Variants in SLC6A3 observed in about 807,000 individuals in gnomAD.
The protein encoded by SLC6A3 is sodium-dependent dopamine transporter.
Under a neutral mutation model 70.4 loss-of-function variants are expected in SLC6A3, and 19 were observed. The ratio of observed to expected loss-of-function variants is 0.27; its 90% CI spans 0.19 to 0.40. SLC6A3 has a LOEUF of 0.40. Ranked by LOEUF, SLC6A3 falls within the 10% of genes least tolerant of loss-of-function variation. The pLI is 1.00. For synonymous variants in SLC6A3, 368 were observed against 356.6 expected (o/e 1.03, Z -0.36); for missense variants, 613 against 838.5 (o/e 0.73, Z 3.32).
At position 1,442,658 on chromosome 5, in the gene SLC6A3, C is replaced by A. The variant is rs540425066; in HGVS notation, c.286+254G>T. Among the ~76,000 whole-genome samples the A allele has an allele frequency of 6.6e-6, 1 of 152,204 alleles. No individual in the cohort carries two copies. The highest frequency in any genetic ancestry group is 2.4e-5 in the African/African-American group (1 of 41,538). On this transcript the variant is annotated intron_variant, in intron 2 of 14. Transcript: ENST00000270349. This position sits in a 1 kb window ranked among gnomAD's most constrained non-coding sequence, Gnocchi z 5.0. ...CCAAGCTGCCCCGTCTGCCGCCCCCCACCCCCCAGCTTCTTCGCGGGCCTC... is the reference window on the plus strand; with the variant it reads ...CCAAGCTGCCCCGTCTGCCGCCCCCAACCCCCCAGCTTCTTCGCGGGCCTC...
Position 1,416,090 on chromosome 5 carries a change from G to T in SLC6A3, c.1031+8C>A. ...TGAGGCCCCTGCCTGGCCCTGCTAG[G>T]GGCTCACCTGTAGCAGTTGTTGGTG... On this transcript the variant is annotated splice_region_variant and intron_variant, in intron 7 of 14. Coordinates refer to ENST00000270349, the MANE Select transcript of SLC6A3 (RefSeq NM_001044.5). 4 of 1,607,608 alleles carry T rather than the reference G, an allele frequency of 2.5e-6. No homozygotes were observed. Among genetic ancestry groups the T allele is most frequent in the Non-Finnish European group, 2.6e-6 (3 of 1,174,134 alleles).
intron 6 of SLC6A3, among the ~76,000 whole-genome samples, chr5:1,419,323 TCATC>T (rs59372317): frequency 0.01 from 1,487 of 142,958 alleles, 11 homozygotes; most frequent in African/African-American, 0.017. Flanking sequence ...TACCTAGCAT[TCATC>T]CATCCATCCA....
chr5:1,437,766 G>A lies in SLC6A3; in HGVS notation c.418+3593C>T, dbSNP rs1756872749. Among the ~76,000 whole-genome samples the A allele has an allele frequency of 6.6e-6, 1 of 152,238 alleles. No homozygotes were observed. Among genetic ancestry groups the A allele is most frequent in the African/African-American group, 2.4e-5 (1 of 41,462 alleles). On this transcript the variant is annotated intron_variant, in intron 3 of 14. Coordinates refer to ENST00000270349, the MANE Select transcript of SLC6A3 (RefSeq NM_001044.5). The surrounding 1 kb of genome is among the most constrained non-coding windows in gnomAD (Gnocchi z 4.8). ...AGGGCCAGGAACAACCAGGCTTCCT[G>A]GAGAGCTGGCTTCATTCCCCCATGG...
In SLC6A3 at chr5:1,397,058, G is replaced by A. The variant is rs1392656363; in HGVS notation, c.1840-2300C>T. ...CACATGTGGATTAATGATAAGATGC[G>A]TTACTCAACTGTGCACCTAAGATTC... On this transcript the variant is annotated intron_variant, in intron 14 of 14. Transcript: ENST00000270349. The surrounding 1 kb of genome is among the most constrained non-coding windows in gnomAD (Gnocchi z 4.7). Among the ~76,000 whole-genome samples the A allele has an allele frequency of 1.3e-5, 2 of 152,128 alleles. No individual in the cohort carries two copies. The highest frequency in any genetic ancestry group is 2.4e-5 in the African/African-American group (1 of 41,416).
intron 8 of SLC6A3, among the ~76,000 whole-genome samples, chr5:1,412,387 G>A (rs979178185): frequency 6.6e-6 from 1 of 152,246 alleles, no homozygotes; most frequent in African/African-American, 2.4e-5. Context: ...TGGCTTCGGA[G>A]ATAAGAGACA....
chr5:1,425,635 T>A (rs928373080), intron 4 of SLC6A3, among the ~76,000 whole-genome samples: 1 of 152,226 alleles, frequency 6.6e-6, no homozygotes, highest in Non-Finnish European at 1.5e-5. Context: ...CAATGGTTTC[T>A]TAGATATGAC....
Position 1,421,839 on chromosome 5 carries a change from A to T in SLC6A3, c.792+37T>A, listed in dbSNP as rs759345729. 3 of 1,610,378 alleles carry T rather than the reference A, an allele frequency of 1.9e-6. No individual in the cohort carries two copies. Among genetic ancestry groups the T allele is most frequent in the Non-Finnish European group, 2.5e-6 (3 of 1,177,962 alleles). On this transcript the variant is annotated intron_variant, in intron 5 of 14. Coordinates refer to ENST00000270349, the MANE Select transcript of SLC6A3 (RefSeq NM_001044.5). This position sits in a 1 kb window ranked among gnomAD's most constrained non-coding sequence, Gnocchi z 7.2. The stretch of plus-strand genomic sequence containing the variant: ...GGCCACATGTCCACTTGGTGGCCCC[A>T]TGTCTACAGGCCCAATTGGTGACCC...
At position 1,436,396 on chromosome 5, in the gene SLC6A3, A is replaced by T. The variant is rs2735908; in HGVS notation, c.419-3698T>A. On this transcript the variant is annotated intron_variant, in intron 3 of 14. Transcript: ENST00000270349. This position sits in a 1 kb window ranked among gnomAD's most constrained non-coding sequence, Gnocchi z 5.2. ...TAAACACCATTTAGTGACACGGGAG[A>T]CTGTCTCCCCAAGGAGGTGGCAGGC... is the stretch of plus-strand genomic sequence containing the variant. 6.6e-6 allele frequency among the ~76,000 whole-genome samples: 1 copy of T among 152,124 alleles called. No individual in the cohort carries two copies. Among genetic ancestry groups the T allele is most frequent in the Non-Finnish European group, 1.5e-5 (1 of 68,024 alleles).
Position 1,397,804 on chromosome 5 carries a change from C to T in SLC6A3, c.1840-3046G>A, listed in dbSNP as rs1252074369. On this transcript the variant is annotated intron_variant, in intron 14 of 14. Transcript: ENST00000270349. The surrounding 1 kb of genome is among the most constrained non-coding windows in gnomAD (Gnocchi z 4.7). ...GTCCTAGAAGAAAAGAAGTCTATAACAAAAGTATGGGAACCAACAAACACC... is the reference window on the plus strand; with the variant it reads ...GTCCTAGAAGAAAAGAAGTCTATAATAAAAGTATGGGAACCAACAAACACC... 6.6e-6 allele frequency among the ~76,000 whole-genome samples: 1 copy of T among 152,172 alleles called. No homozygotes were observed. The highest frequency in any genetic ancestry group is 1.5e-5 in the Non-Finnish European group (1 of 68,032).
At chr5:1,412,503 G>A (rs28363094) in intron 8 of SLC6A3, among the ~76,000 whole-genome samples, 5 of 152,248 alleles carry the variant, frequency 3.3e-5, no homozygotes, top group Admixed American at 6.5e-5. Flanking sequence ...GAAACGACAC[G>A]TGCTTCCTGC....
intron 4 of SLC6A3, among the ~76,000 whole-genome samples, chr5:1,431,037 A>G (rs979623550): frequency 2.0e-5 from 3 of 152,224 alleles, no homozygotes; most frequent in Admixed American, 6.5e-5. Flanking sequence ...CTGACGGGAA[A>G]CACTGGATCT....
intron 2 of SLC6A3, 121 bp from the exon 3 acceptor site, chr5:1,441,611 C>G (rs1698376959): frequency 8.6e-7 from 1 of 1,165,566 alleles, no homozygotes; most frequent in Non-Finnish European, 1.2e-6. Flanking sequence ...TCACCCCACT[C>G]TCCAACGGGA....
At position 1,411,834 on chromosome 5, in the gene SLC6A3, A is replaced by G. The variant is rs1221284659; in HGVS notation, c.1157-479T>C. Among the ~76,000 whole-genome samples the G allele has an allele frequency of 6.6e-6, 1 of 151,020 alleles. No homozygotes were observed. The highest frequency in any genetic ancestry group is 1.5e-5 in the Non-Finnish European group (1 of 67,654). On this transcript the variant is annotated intron_variant, in intron 8 of 14. Coordinates refer to ENST00000270349, the MANE Select transcript of SLC6A3 (RefSeq NM_001044.5). The surrounding 1 kb of genome is among the most constrained non-coding windows in gnomAD (Gnocchi z 6.5). ...ATGCAACATACACACTCAGACACAC[A>G]TACCATGCAACATACACACTCAGAC...
chr5:1,436,977 C>T lies in SLC6A3; in HGVS notation c.419-4279G>A, dbSNP rs942562317. 5.3e-5 allele frequency among the ~76,000 whole-genome samples: 8 copies of T among 152,220 alleles called. No individual in the cohort carries two copies. Among genetic ancestry groups the T allele is most frequent in the Admixed American group, 4.6e-4 (7 of 15,288 alleles). On this transcript the variant is annotated intron_variant, in intron 3 of 14. Transcript: ENST00000270349. This position sits in a 1 kb window ranked among gnomAD's most constrained non-coding sequence, Gnocchi z 5.2. ...GGAAGAAAGACGGGAGAGGGCCGGG[C>T]ACGGTGGCTCACTCCTGTAATCCCA... is the stretch of plus-strand genomic sequence containing the variant.
rs1755991092 is a variant in SLC6A3, at chr5:1,406,753, T to G, written c.1499-465A>C. On this transcript the variant is annotated intron_variant, in intron 11 of 14. Coordinates refer to ENST00000270349, the MANE Select transcript of SLC6A3 (RefSeq NM_001044.5). This position sits in a 1 kb window ranked among gnomAD's most constrained non-coding sequence, Gnocchi z 8.8. ...CGTCACCACCGTCCATCTTCAGAAC[T>G]CCATCCTCCAAAATGAAATTCTGCC... is the stretch of plus-strand genomic sequence containing the variant. Among the ~76,000 whole-genome samples, 2 of 149,252 alleles carry G rather than the reference T, an allele frequency of 1.3e-5. No individual in the cohort carries two copies. Among genetic ancestry groups the G allele is most frequent in the Admixed American group, 1.3e-4 (2 of 14,984 alleles).
Position 1,432,520 on chromosome 5 carries a change from T to A in SLC6A3, c.597A>T (p.Gly199=). 6.2e-7 allele frequency: 1 copy of A among 1,614,208 alleles called. No individual in the cohort carries two copies. Among genetic ancestry groups the A allele is most frequent in the African/African-American group, 1.3e-5 (1 of 75,048 alleles). Residue 199 remains glycine, a synonymous_variant, in exon 4 of 15, where the codon GGA becomes GGT. Coordinates refer to ENST00000270349, the MANE Select transcript of SLC6A3 (RefSeq NM_001044.5). ...CSDAHPGDSS[G]DSSGLNDTFG... ...AAGTGTCGTTGAGGCCCGAGCTGTC[T>A]CCACTGGAGTCACCAGGATGGGCAT...
In SLC6A3 at chr5:1,442,900, G is replaced by A. The variant is rs1471668691; in HGVS notation, c.286+12C>T. 19 of 1,613,992 alleles carry A rather than the reference G, an allele frequency of 1.2e-5. No homozygotes were observed. The highest frequency in any genetic ancestry group is 1.6e-5 in the Non-Finnish European group (19 of 1,179,976). ...CGGCCAGCATGCTCAGGGAGGCTGAGATGGGACTTACCGCCACCATTTTTG... is the reference window on the plus strand; with the variant it reads ...CGGCCAGCATGCTCAGGGAGGCTGAAATGGGACTTACCGCCACCATTTTTG... On this transcript the variant is annotated intron_variant, in intron 2 of 14. Coordinates refer to ENST00000270349, the MANE Select transcript of SLC6A3 (RefSeq NM_001044.5). This position sits in a 1 kb window ranked among gnomAD's most constrained non-coding sequence, Gnocchi z 5.0.
In SLC6A3 at chr5:1,393,030, A is replaced by G. The variant is rs1273605493; in HGVS notation, c.*1705T>C. On this transcript the variant is annotated 3_prime_UTR_variant, in exon 15 of 15. Coordinates refer to ENST00000270349, the MANE Select transcript of SLC6A3 (RefSeq NM_001044.5). ...GCTCTCTGTGCTGACTGCAGCGGCC[A>G]GAAGGCGATGGGGAAGCCGTCCTCT... 6.6e-6 allele frequency: 1 copy of G among 150,950 alleles called. No homozygotes were observed. Among genetic ancestry groups the G allele is most frequent in the African/African-American group, 2.5e-5 (1 of 40,798 alleles). 9.4% of individuals were successfully genotyped at this position (150,950 alleles called of 1,614,324 possible). A position where few individuals can be genotyped will look rare whatever the true frequency, so the allele number is the denominator to read the frequency against.
At chr5:1,425,964 C>T (rs250684) in intron 4 of SLC6A3, among the ~76,000 whole-genome samples, 43,184 of 151,902 alleles carry the variant, frequency 0.28, 6,641 homozygotes, top group East Asian at 0.52. Flanking sequence ...AATACAATGA[C>T]AGACCACTTC....
Sources: allele counts gnomAD v4.1 joint callset (sites outside exome capture counted in the v4.1 genomes callset), GRCh38; gene constraint gnomAD v4.1.1; non-coding constraint Gnocchi (gnomAD v3.1); transcripts MANE v1.5; gene names NCBI Gene and HGNC (gene_info 2026-07-23, HGNC 2026-07-21).